MAPK10: variants seen among roughly 807,000 people sequenced by gnomAD.
MAPK10 encodes mitogen-activated protein kinase 10.
Under a neutral mutation model 59.3 loss-of-function variants are expected in MAPK10, and 25 were observed. That is an observed-to-expected ratio of 0.42 (90% CI 0.31 to 0.59). MAPK10 has a LOEUF of 0.59. Ranked by LOEUF, MAPK10 falls within the 20% of genes least tolerant of loss-of-function variation. MAPK10 has a pLI of 0.15. For missense variants in MAPK10, 351 were observed against 568.9 expected (o/e 0.62, Z 3.90); for synonymous variants, 190 against 200.5 (o/e 0.95, Z 0.44).
intron 3 of MAPK10, among the ~76,000 whole-genome samples, chr4:86,173,407 T>A (rs2074876008): frequency 2.0e-5 from 3 of 152,130 alleles, no homozygotes; most frequent in Non-Finnish European, 4.4e-5. Context: ...CTGGGAGAAC[T>A]CACTAGCCAT....
At chr4:86,406,033 T>C (rs2149021985) in intron 1 of MAPK10, among the ~76,000 whole-genome samples, 1 of 152,308 alleles carries the variant, frequency 6.6e-6, no homozygotes, top group South Asian at 2.1e-4. Context: ...AAATGATTAA[T>C]ATAAGACTAT....
intron 1 of MAPK10, among the ~76,000 whole-genome samples, chr4:86,481,605 T>C (rs895802547): frequency 6.6e-6 from 1 of 152,162 alleles, no homozygotes; most frequent in Admixed American, 6.5e-5. Context: ...CATAATGAAC[T>C]GTTCCAGAAA....
intron 3 of MAPK10, among the ~76,000 whole-genome samples, chr4:86,168,621 C>T (rs1235466711): frequency 1.3e-5 from 2 of 152,196 alleles, no homozygotes; most frequent in Admixed American, 6.5e-5. Context: ...GTAGGCTCCA[C>T]CTCTGGGGGC....
chr4:86,246,160 G>T (rs1040403547), intron 2 of MAPK10, among the ~76,000 whole-genome samples: 1 of 152,154 alleles, frequency 6.6e-6, no homozygotes, highest in East Asian at 1.9e-4. Flanking sequence ...GGCCAGGCGC[G>T]GTGGCTCACG....
At position 86,075,985 on chromosome 4, in the gene MAPK10, C is replaced by A. The variant is rs1452917897; in HGVS notation, c.803-8030G>T. ...AGCCTGGGCAATGGCGGGCGCCCCT[C>A]CCCCAGCCCTCCTGGGGCCTTGCAG... On this transcript the variant is annotated intron_variant, in intron 9 of 13. Transcript: ENST00000641462. Among the ~76,000 whole-genome samples the A allele has an allele frequency of 1.6e-4, 25 of 151,670 alleles. 1 individual carries two copies. Among genetic ancestry groups the A allele is most frequent in the Non-Finnish European group, 2.5e-4 (17 of 67,690 alleles).
intron 1 of MAPK10, among the ~76,000 whole-genome samples, chr4:86,563,805 G>T (rs1448565864): frequency 1.3e-5 from 2 of 152,118 alleles, no homozygotes; most frequent in Non-Finnish European, 2.9e-5. Flanking sequence ...ATTTCATCAT[G>T]CTACTAAGAA....
chr4:86,022,663 C>T (rs1015430047), intron 13 of MAPK10, among the ~76,000 whole-genome samples: 5 of 152,060 alleles, frequency 3.3e-5, no homozygotes, highest in Admixed American at 6.5e-5. Context: ...TACCACCACA[C>T]CTGGCTAATT....
At chr4:86,275,880 T>C (rs939308645) in intron 2 of MAPK10, among the ~76,000 whole-genome samples, 1 of 152,060 alleles carries the variant, frequency 6.6e-6, no homozygotes, top group Non-Finnish European at 1.5e-5. Context: ...GATTTGGTAT[T>C]TAAATATTGC....
chr4:86,237,932 T>C (rs995034149), intron 2 of MAPK10, among the ~76,000 whole-genome samples: 4 of 152,244 alleles, frequency 2.6e-5, no homozygotes, highest in African/African-American at 7.2e-5. Flanking sequence ...GCCTATGTCC[T>C]GAATGGTATT....
intron 2 of MAPK10, among the ~76,000 whole-genome samples, chr4:86,223,645 T>C (rs1166307401): frequency 6.6e-6 from 1 of 152,098 alleles, no homozygotes; most frequent in Admixed American, 6.5e-5. Context: ...TAGCCTCCCC[T>C]ATCCCCAAAT....
intron 6 of MAPK10, 104 bp downstream of exon 6, chr4:86,103,075 CTGTGTGT>C (rs2055804696): frequency 2.2e-6 from 1 of 460,298 alleles, no homozygotes; most frequent in African/African-American, 2.4e-5. Flanking sequence ...GATTTCAACT[CTGTGTGT>C]GTGTGTGTGT....
intron 1 of MAPK10, among the ~76,000 whole-genome samples, chr4:86,508,361 G>A (rs1260000845): frequency 6.6e-6 from 1 of 152,016 alleles, no homozygotes; most frequent in Non-Finnish European, 1.5e-5. Context: ...CTTTATTTGG[G>A]ATCTGATTTG....
chr4:86,527,312 C>CAAAAAAAAAAAAAA lies in MAPK10; in HGVS notation c.-263+66584_-263+66597dup, dbSNP rs57390422. ...GAGCAACAGAGTGAGACACTGTTGC[C>CAAAAAAAAAAAAAA]AAAAAAAAAAAAAAAAAAAAAAAAA... On this transcript the variant is annotated intron_variant, in intron 1 of 4. Transcript: ENST00000502302. Among the ~76,000 whole-genome samples the CAAAAAAAAAAAAAA allele has an allele frequency of 1.5e-3, 24 of 16,196 alleles. 4 individuals are homozygous for CAAAAAAAAAAAAAA. The highest frequency in any genetic ancestry group is 5.3e-3 in the East Asian group (2 of 378). The allele number at this position is 16,196 out of a possible 152,430, so 10.6% of individuals were successfully genotyped here.
At chr4:86,272,289 C>A (rs1163975662) in intron 2 of MAPK10, among the ~76,000 whole-genome samples, 1 of 152,066 alleles carries the variant, frequency 6.6e-6, no homozygotes, top group Admixed American at 6.6e-5. Flanking sequence ...GCCTTTGCAT[C>A]TTTCCAGCAC....
chr4:86,495,796 A>G (rs1167171555), intron 1 of MAPK10, among the ~76,000 whole-genome samples: 2 of 152,064 alleles, frequency 1.3e-5, no homozygotes, highest in Non-Finnish European at 2.9e-5. Context: ...TGACTGACTG[A>G]TTACATCTCC....
intron 4 of MAPK10, among the ~76,000 whole-genome samples, chr4:86,145,448 A>T (rs2064744978): frequency 6.6e-6 from 1 of 151,684 alleles, no homozygotes; most frequent in South Asian, 2.1e-4. Flanking sequence ...CATACCAAAC[A>T]TGTGTTATTG....
At chr4:86,474,027 T>C (rs1020158866) in intron 1 of MAPK10, among the ~76,000 whole-genome samples, 2 of 152,166 alleles carry the variant, frequency 1.3e-5, no homozygotes, top group African/African-American at 4.8e-5. Context: ...CCCACATACA[T>C]TTCCACGCAT....
chr4:86,399,203 C>A (rs1743364526), intron 1 of MAPK10, among the ~76,000 whole-genome samples: 1 of 152,196 alleles, frequency 6.6e-6, no homozygotes. Context: ...AGTGGCTGAA[C>A]TAATTTACAT....
chr4:86,312,475 G>T (rs2095689942), intron 2 of MAPK10, among the ~76,000 whole-genome samples: 1 of 151,916 alleles, frequency 6.6e-6, no homozygotes, highest in Non-Finnish European at 1.5e-5. Context: ...CCGGACTTCT[G>T]GTTGAAAGGT....
Sources: allele counts gnomAD v4.1 joint callset (sites outside exome capture counted in the v4.1 genomes callset), GRCh38; gene constraint gnomAD v4.1.1; transcripts MANE v1.5; gene names NCBI Gene and HGNC (gene_info 2026-07-23, HGNC 2026-07-21).